UBA6: variants seen among roughly 807,000 people sequenced by gnomAD.
UBA6 encodes the protein ubiquitin-like modifier-activating enzyme 6.
UBA6 carries 87 observed loss-of-function variants against 148.3 expected under a neutral mutation model. That is an observed-to-expected ratio of 0.59 (90% CI 0.49 to 0.70). UBA6 has a LOEUF of 0.70. Among genes scored for constraint, UBA6 ranks in the 30% least tolerant of loss-of-function variants. UBA6 has a pLI of 0.00. For missense variants in UBA6, 1,186 were observed against 1,241.2 expected (o/e 0.96, Z 0.67); for synonymous variants, 376 against 401.0 (o/e 0.94, Z 0.75).
At position 67,612,656 on chromosome 4, in the gene UBA6, G is replaced by A. The variant is rs1041979625; in HGVS notation, c.*6341C>T. On this transcript the variant is annotated 3_prime_UTR_variant, in exon 33 of 33. Coordinates refer to ENST00000322244, the MANE Select transcript of UBA6 (RefSeq NM_018227.6). ...TTTAAAAAAATGTGCAAATAGTTTA[G>A]AGAATCACTACAGAGTTTATTGTTT... 1 of 152,036 alleles carries A rather than the reference G, an allele frequency of 6.6e-6. No homozygotes were observed. Among genetic ancestry groups the A allele is most frequent in the Admixed American group, 6.6e-5 (1 of 15,254 alleles). The allele number at this position is 152,036 out of a possible 1,614,324, so 9.4% of individuals were successfully genotyped here.
intron 13 of UBA6, among the ~76,000 whole-genome samples, chr4:67,650,984 G>T: frequency 6.6e-6 from 1 of 152,114 alleles, no homozygotes; most frequent in East Asian, 1.9e-4. Context: ...TCCATTAGAA[G>T]CTCCTTTTCA....
At chr4:67,661,152 A>G (rs973335898) in intron 13 of UBA6, among the ~76,000 whole-genome samples, 1 of 152,168 alleles carries the variant, frequency 6.6e-6, no homozygotes. Context: ...GACTTTGGAC[A>G]TGGACTTCTG....
chr4:67,700,593 C>A (rs1431193312), intron 1 of UBA6, among the ~76,000 whole-genome samples: 1 of 151,422 alleles, frequency 6.6e-6, no homozygotes, highest in South Asian at 2.1e-4. Flanking sequence ...GCTACTGATT[C>A]ATTCTTACCA....
At chr4:67,670,692 T>C in intron 7 of UBA6, 100 bp from the exon 8 acceptor site, 1 of 875,168 alleles carries the variant, frequency 1.1e-6, no homozygotes. Flanking sequence ...TAATTAAGTA[T>C]ACCTTACACA....
At chr4:67,683,509 G>A (rs1560500195) in intron 2 of UBA6, among the ~76,000 whole-genome samples, 1 of 152,014 alleles carries the variant, frequency 6.6e-6, no homozygotes, top group Non-Finnish European at 1.5e-5. Flanking sequence ...GCCCAGGACA[G>A]CTTTGAATGC....
In UBA6 at chr4:67,626,341, T is replaced by C. The variant is rs1553904754; in HGVS notation, c.2518+19A>G. On this transcript the variant is annotated intron_variant, in intron 28 of 32. Coordinates refer to ENST00000322244, the MANE Select transcript of UBA6 (RefSeq NM_018227.6). ...AAACTCATCCAGTTCAAAACATTTT[T>C]ATAAAGATTTTCCCTTACTTTTGGT... 3 of 1,520,054 alleles carry C rather than the reference T, an allele frequency of 2.0e-6. No individual in the cohort carries two copies. In the Admixed American group the frequency reaches 5.1e-5, roughly 26 times the overall value. 94.2% of individuals were successfully genotyped at this position (1,520,054 alleles called of 1,614,324 possible). A position where few individuals can be genotyped will look rare whatever the true frequency, so the allele number is the denominator to read the frequency against.
At chr4:67,643,509 T>C (rs552561490) in intron 17 of UBA6, among the ~76,000 whole-genome samples, 2 of 152,146 alleles carry the variant, frequency 1.3e-5, no homozygotes, top group African/African-American at 4.8e-5. Flanking sequence ...TTGGACCCCT[T>C]ACCCTGGTGT....
Position 67,616,200 on chromosome 4 carries a change from T to G in UBA6, c.*2797A>C, listed in dbSNP as rs997898754. ...AGAAAGCATTCAGATTATATGTTTT[T>G]GAATCTATGAAAAGTAAAATCGCTA... On this transcript the variant is annotated 3_prime_UTR_variant, in exon 33 of 33. Transcript: ENST00000322244. 7.6e-6 allele frequency: 3 copies of G among 396,492 alleles called. No homozygotes were observed. The highest frequency in any genetic ancestry group is 2.1e-5 in the African/African-American group (1 of 48,518). The allele number at this position is 396,492 out of a possible 1,614,324, so 24.6% of individuals were successfully genotyped here. A position where few individuals can be genotyped will look rare whatever the true frequency, so the allele number is the denominator to read the frequency against.
chr4:67,634,576 G>T (rs1203396969), intron 20 of UBA6, 58 bp from the exon 21 acceptor site: 6 of 1,264,536 alleles, frequency 4.7e-6, no homozygotes, highest in South Asian at 3.2e-5. Flanking sequence ...AATTTTTATT[G>T]ATTTAATCTA....
Position 67,668,557 on chromosome 4 carries a change from T to C in UBA6, c.787A>G (p.Ile263Val), listed in dbSNP as rs749156423. ...MTGLNGSIQQITVISPFSFSI... is the reference protein window; with the variant it reads ...MTGLNGSIQQVTVISPFSFSI... ...ATAAAACACATTGACTTACCCGTTATTTGTTGTATAGATCCATTTAAACCT... is the reference window on the plus strand; with the variant it reads ...ATAAAACACATTGACTTACCCGTTACTTGTTGTATAGATCCATTTAAACCT... Residue 263 changes from isoleucine (I) to valine (V), a missense_variant, in exon 9 of 33, where the codon ATA (isoleucine) becomes GTA (valine). By Grantham distance (29) the Ile-to-Val change is conservative. Coordinates refer to ENST00000322244, the MANE Select transcript of UBA6 (RefSeq NM_018227.6). The C allele has an allele frequency of 6.2e-7, 1 of 1,609,872 alleles. No homozygotes were observed. Among genetic ancestry groups the C allele is most frequent in the East Asian group, 2.2e-5 (1 of 44,758 alleles).
rs1037620469 is a variant in UBA6 at position 67,636,210 on chromosome 4, A to G, written c.1737-652T>C. Among the ~76,000 whole-genome samples the G allele has an allele frequency of 4.6e-5, 7 of 152,240 alleles. 1 individual carries two copies. Among genetic ancestry groups the G allele is most frequent in the Admixed American group, 3.9e-4 (6 of 15,286 alleles). On this transcript the variant is annotated intron_variant, in intron 19 of 32. Transcript: ENST00000322244. ...ACGGAAAGTAAATGGTCCCTGGATG[A>G]ATGATTTAGTGAGGACACAAACATT...
chr4:67,645,555 C>T (rs1245984744), intron 16 of UBA6, among the ~76,000 whole-genome samples: 2 of 151,878 alleles, frequency 1.3e-5, no homozygotes, highest in Non-Finnish European at 2.9e-5. Flanking sequence ...CGAGATCATG[C>T]CACTGCATTC....
At chr4:67,667,630 T>C (rs1055500607) in intron 9 of UBA6, among the ~76,000 whole-genome samples, 8 of 151,926 alleles carry the variant, frequency 5.3e-5, no homozygotes, top group African/African-American at 1.7e-4. Flanking sequence ...GGTGTAAGCA[T>C]GCCATATAGT....
rs781307252 is a variant in UBA6 at position 67,623,255 on chromosome 4, T to C, written c.2841-33A>G. 12 of 1,545,106 alleles carry C rather than the reference T, an allele frequency of 7.8e-6. No individual in the cohort carries two copies. The East Asian group carries it at 2.3e-4, about 29-fold the overall frequency. On this transcript the variant is annotated intron_variant, in intron 30 of 32. Transcript: ENST00000322244. ...AGAAAAATATTCAGAACAGAAACATTGAAATTTTCTTCCTTTTAGTGATGA... is the reference window on the plus strand; with the variant it reads ...AGAAAAATATTCAGAACAGAAACATCGAAATTTTCTTCCTTTTAGTGATGA...
rs79210567 is a variant in UBA6, at chr4:67,693,802, T to C, written c.134+2843A>G. On this transcript the variant is annotated intron_variant, in intron 2 of 32. Transcript: ENST00000322244. ...ATCAAGCTTACTGATGAAATCTATCTCCCTGAGATATTAAGAGGCTAAGGA... is the reference window on the plus strand; with the variant it reads ...ATCAAGCTTACTGATGAAATCTATCCCCCTGAGATATTAAGAGGCTAAGGA... Among the ~76,000 whole-genome samples, 757 of 152,216 alleles carry C rather than the reference T, an allele frequency of 5.0e-3. 9 individuals are homozygous for C. Among genetic ancestry groups the C allele is most frequent in the African/African-American group, 0.017 (711 of 41,536 alleles).
chr4:67,636,785 C>T (rs996324942), intron 19 of UBA6, among the ~76,000 whole-genome samples: 9 of 151,694 alleles, frequency 5.9e-5, no homozygotes, highest in Non-Finnish European at 1.0e-4. Context: ...CCCAAAGTGC[C>T]GAGATTGCAG....
chr4:67,629,318 G>C (rs1230235399), intron 26 of UBA6, among the ~76,000 whole-genome samples, 176 bp from the exon 27 acceptor site: 3 of 151,724 alleles, frequency 2.0e-5, no homozygotes, highest in Non-Finnish European at 4.4e-5. Context: ...CCCCCATAAA[G>C]GTTATGGGGG....
chr4:67,682,241 AAAATTATTTCACTG>A (rs1730461123), intron 2 of UBA6, 28 bp from the exon 3 acceptor site: 3 of 1,547,690 alleles, frequency 1.9e-6, no homozygotes, highest in Admixed American at 1.7e-5. Flanking sequence ...TAAAAAACAA[AAAATTATTTCACTG>A]AAATTATAAT....
At chr4:67,685,821 C>T (rs527415015) in intron 2 of UBA6, among the ~76,000 whole-genome samples, 10 of 152,208 alleles carry the variant, frequency 6.6e-5, no homozygotes, top group East Asian at 5.8e-4. Flanking sequence ...CACCATGGGA[C>T]GATGCAGTAA....
Sources: gnomAD v4.1 joint callset for allele counts (sites outside exome capture counted in the v4.1 genomes callset) on GRCh38, gnomAD v4.1.1 for gene constraint, MANE v1.5 for transcripts, NCBI Gene and HGNC (gene_info 2026-07-23, HGNC 2026-07-21) for gene names.